KCNH1: variants seen among roughly 807,000 people sequenced by gnomAD.
KCNH1 encodes the protein potassium voltage-gated channel subfamily H member 1.
A neutral mutation model predicts 69.2 loss-of-function variants in KCNH1; 27 were observed. The observed-to-expected ratio is 0.39, with a 90% CI of 0.29 to 0.54. The LOEUF (loss-of-function observed/expected upper bound fraction) is 0.54, where lower values mean the gene tolerates loss of function less well. Ranked by LOEUF, KCNH1 falls within the 20% of genes least tolerant of loss-of-function variation. KCNH1 has a pLI of 0.68. For missense variants in KCNH1, 798 were observed against 1,261.6 expected (o/e 0.63, Z 5.57); for synonymous variants, 456 against 487.7 (o/e 0.93, Z 0.86).
intron 10 of KCNH1, among the ~76,000 whole-genome samples, chr1:210,755,893 T>G (rs1005247328): frequency 1.3e-5 from 2 of 152,180 alleles, no homozygotes; most frequent in Non-Finnish European, 2.9e-5. Flanking sequence ...AGCAGCACTA[T>G]TCATACATCC....
intron 7 of KCNH1, among the ~76,000 whole-genome samples, chr1:210,873,482 G>T (rs1479129075): frequency 1.3e-5 from 2 of 151,994 alleles, no homozygotes; most frequent in Non-Finnish European, 2.9e-5. Context: ...CATGTAGCTG[G>T]GACTACAGGT....
intron 10 of KCNH1, among the ~76,000 whole-genome samples, chr1:210,718,258 TATTATAA>T (rs1208161520): frequency 2.5e-4 from 10 of 40,310 alleles, no homozygotes; most frequent in Admixed American, 5.4e-4. Context: ...CTTCTATAAA[TATTATAA>T]ATATATGTGC....
At chr1:211,125,923 C>A (rs1691769065) in intron 1 of KCNH1, among the ~76,000 whole-genome samples, 1 of 152,180 alleles carries the variant, frequency 6.6e-6, no homozygotes, top group Non-Finnish European at 1.5e-5. Flanking sequence ...TATGAGTAAG[C>A]AAATTGACTA....
chr1:210,860,623 G>C (rs1319883604), intron 7 of KCNH1: 4 of 801,394 alleles, frequency 5.0e-6, no homozygotes, highest in African/African-American at 3.4e-5. Context: ...ATCATTTTCT[G>C]TTTCTGTTAT....
At chr1:210,935,147 C>T (rs1167217398) in intron 6 of KCNH1, among the ~76,000 whole-genome samples, 1 of 147,956 alleles carries the variant, frequency 6.8e-6, no homozygotes, top group African/African-American at 2.5e-5. Flanking sequence ...CACACACACA[C>T]ACACACACAC....
intron 7 of KCNH1, among the ~76,000 whole-genome samples, chr1:210,805,029 C>T (rs535918117): frequency 2.0e-4 from 30 of 152,334 alleles, no homozygotes; most frequent in African/African-American, 6.7e-4. Context: ...TCAAGAGCCA[C>T]TGCTTCCAGG....
At chr1:211,099,951 C>T (rs1441721095) in intron 3 of KCNH1, among the ~76,000 whole-genome samples, 1 of 152,174 alleles carries the variant, frequency 6.6e-6, no homozygotes, top group Non-Finnish European at 1.5e-5. Context: ...ATTTTGTTGT[C>T]AGAGGGATTC....
intron 7 of KCNH1, among the ~76,000 whole-genome samples, chr1:210,845,036 T>G (rs1463784416): frequency 2.0e-5 from 3 of 152,084 alleles, no homozygotes; most frequent in African/African-American, 7.2e-5. Context: ...AGGAAGAAGT[T>G]GAATCTCTGA....
chr1:211,107,398 G>T lies in KCNH1; in HGVS notation c.80-21C>A, dbSNP rs762316179. On this transcript the variant is annotated intron_variant, in intron 1 of 10. Coordinates refer to ENST00000271751, the MANE Select transcript of KCNH1 (RefSeq NM_172362.3). ...AGTATCTGTTAAAAAAAAAAAAAAGGGAAAAAAGGGCACATGAGGCAACAC... is the reference window on the plus strand; with the variant it reads ...AGTATCTGTTAAAAAAAAAAAAAAGTGAAAAAAGGGCACATGAGGCAACAC... 3.2e-6 allele frequency: 5 copies of T among 1,563,098 alleles called. 1 individual carries two copies. The highest frequency in any genetic ancestry group is 2.3e-5 in the South Asian group (2 of 87,134).
intron 7 of KCNH1, among the ~76,000 whole-genome samples, chr1:210,848,999 A>G (rs1483420175): frequency 6.6e-6 from 1 of 152,232 alleles, no homozygotes; most frequent in Non-Finnish European, 1.5e-5. Context: ...AAATAACTTT[A>G]AGAGAAAAAA....
chr1:211,078,106 C>A (rs1449742045), intron 5 of KCNH1, among the ~76,000 whole-genome samples: 1 of 152,150 alleles, frequency 6.6e-6, no homozygotes, highest in Non-Finnish European at 1.5e-5. Flanking sequence ...CAGGAGCACC[C>A]AGATTCATAA....
rs1681222201 is a variant in KCNH1 at position 210,679,939 on chromosome 1, T to TGCAATGAGTTGCATTCATG, written c.*3341_*3342insCATGAATGCAACTCATTGC. ...TTATTAGCATAATGTAGCATTGCAT[T>TGCAATGAGTTGCATTCATG]AATGCAATGAGTTGCATTCATGAAT... On this transcript the variant is annotated 3_prime_UTR_variant, in exon 11 of 11. Coordinates refer to ENST00000271751, the MANE Select transcript of KCNH1 (RefSeq NM_172362.3). 2 of 150,500 alleles carry TGCAATGAGTTGCATTCATG rather than the reference T, an allele frequency of 1.3e-5. No individual in the cohort carries two copies. The highest frequency in any genetic ancestry group is 1.5e-5 in the Non-Finnish European group (1 of 67,580). The allele number at this position is 150,500 out of a possible 1,614,324, so 9.3% of individuals were successfully genotyped here.
intron 5 of KCNH1, among the ~76,000 whole-genome samples, chr1:211,024,060 A>T (rs925120280): frequency 6.6e-6 from 1 of 152,220 alleles, no homozygotes; most frequent in Non-Finnish European, 1.5e-5. Context: ...CTCCATAAAC[A>T]TATATAATTA....
intron 5 of KCNH1, among the ~76,000 whole-genome samples, chr1:211,068,037 C>T (rs1398874724): frequency 6.6e-6 from 1 of 152,192 alleles, no homozygotes; most frequent in East Asian, 1.9e-4. Flanking sequence ...AGAACTAAGG[C>T]CAGATTGCCT....
intron 10 of KCNH1, among the ~76,000 whole-genome samples, chr1:210,713,755 C>T (rs1005187151): frequency 2.6e-5 from 4 of 152,132 alleles, no homozygotes; most frequent in Admixed American, 2.0e-4. Context: ...TCCTGGAAGC[C>T]GTTCCATATA....
At chr1:210,724,691 G>A (rs1237705437) in intron 10 of KCNH1, among the ~76,000 whole-genome samples, 1 of 152,202 alleles carries the variant, frequency 6.6e-6, no homozygotes, top group African/African-American at 2.4e-5. Flanking sequence ...TGTGCTTGAG[G>A]GTTCAGTTGT....
rs187762846 is a variant in KCNH1 at position 211,128,254 on chromosome 1, A to C, written c.79+5613T>G. On this transcript the variant is annotated intron_variant, in intron 1 of 10. Coordinates refer to ENST00000271751, the MANE Select transcript of KCNH1 (RefSeq NM_172362.3). ...CAGTGAGCCGAGATCGCGCCACTGC[A>C]CTCCAGCGACAAAGTGAGATTCTGT... Among the ~76,000 whole-genome samples, 86 of 148,890 alleles carry C rather than the reference A, an allele frequency of 5.8e-4. No homozygotes were observed. In the Admixed American group the frequency reaches 5.8e-3, roughly 10 times the overall value.
chr1:210,967,287 T>A (rs2102363034), intron 6 of KCNH1, among the ~76,000 whole-genome samples: 1 of 152,224 alleles, frequency 6.6e-6, no homozygotes, highest in Non-Finnish European at 1.5e-5. Flanking sequence ...CAAAGCTGCA[T>A]GTTCTGCACA....
rs139192345 is a variant in KCNH1 at position 211,121,353 on chromosome 1, C to T, written c.79+12514G>A. Among the ~76,000 whole-genome samples, 67 of 152,166 alleles carry T rather than the reference C, an allele frequency of 4.4e-4. 1 individual carries two copies. In the East Asian group the frequency reaches 0.012, roughly 28 times the overall value. ...AGACATATAGACCAATGGAGCAGAACAGAGACCTCAGAAATAAAACCACAC... is the reference window on the plus strand; with the variant it reads ...AGACATATAGACCAATGGAGCAGAATAGAGACCTCAGAAATAAAACCACAC... On this transcript the variant is annotated intron_variant, in intron 1 of 10. Transcript: ENST00000271751.
Sources: allele counts gnomAD v4.1 joint callset (sites outside exome capture counted in the v4.1 genomes callset), GRCh38; gene constraint gnomAD v4.1.1; transcripts MANE v1.5; gene names NCBI Gene and HGNC (gene_info 2026-07-23, HGNC 2026-07-21).